The following NTM variants were observed in gnomAD, a reference collection of about 807,000 sequenced individuals.
NTM encodes IgLON family member 2.
A neutral mutation model predicts 42.1 loss-of-function variants in NTM; 13 were observed. That is an observed-to-expected ratio of 0.31 (90% CI 0.20 to 0.49). NTM has a LOEUF of 0.49. NTM is among the 20% of genes least tolerant of loss of function. The pLI is 0.99. For synonymous variants in NTM, 187 were observed against 179.2 expected (o/e 1.04, Z -0.35); for missense variants, 373 against 452.8 (o/e 0.82, Z 1.60).
intron 2 of NTM, among the ~76,000 whole-genome samples, chr11:132,111,719 G>A (rs2063225099): frequency 6.6e-6 from 1 of 152,234 alleles, no homozygotes; most frequent in East Asian, 1.9e-4. Context: ...AAAAATAAGT[G>A]CTAGGCTTCA....
chr11:131,835,057 A>C (rs1254475766), intron 1 of NTM, among the ~76,000 whole-genome samples: 1 of 152,200 alleles, frequency 6.6e-6, no homozygotes, highest in Non-Finnish European at 1.5e-5. Context: ...AAAGAAGTTC[A>C]GCTAACATCC....
At chr11:131,911,136 T>C in intron 1 of NTM, 1 of 1,261,854 alleles carries the variant, frequency 7.9e-7, no homozygotes, top group Middle Eastern at 3.3e-4. Flanking sequence ...GTGTCTGAAC[T>C]GCCGCTGGGA....
At chr11:131,424,364 C>T (rs1019419926) in intron 1 of NTM, among the ~76,000 whole-genome samples, 4 of 152,026 alleles carry the variant, frequency 2.6e-5, no homozygotes, top group South Asian at 4.2e-4. Context: ...TTCCTTGCCT[C>T]TTCTGTACTG....
chr11:131,518,300 A>G (rs902541282), intron 1 of NTM, among the ~76,000 whole-genome samples: 1 of 152,144 alleles, frequency 6.6e-6, no homozygotes, highest in Non-Finnish European at 1.5e-5. Flanking sequence ...TGGAACCTGG[A>G]TCTTCAGATG....
At position 131,652,926 on chromosome 11, in the gene NTM, C is replaced by T. The variant is rs566559740; in HGVS notation, c.83-258638C>T. Among the ~76,000 whole-genome samples, 33 of 152,326 alleles carry T rather than the reference C, an allele frequency of 2.2e-4. No individual in the cohort carries two copies. The South Asian group carries it at 5.4e-3, about 25-fold the overall frequency. On this transcript the variant is annotated intron_variant, in intron 1 of 8. Transcript: ENST00000683400. ...CTTGGAATGCAACCTGCACAATTGC[C>T]TTCATCCTTTACCGCCCTGCCAGAT...
In NTM at chr11:131,953,991, A is replaced by C. The variant is rs867277690; in HGVS notation, c.167+42343A>C. On this transcript the variant is annotated intron_variant, in intron 2 of 8. Coordinates refer to ENST00000683400, the MANE Select transcript of NTM (RefSeq NM_001352005.2). ...TTCTGGTAATATCAAGTCCATCTGTAAGGCAGGCAAGGTGAATTTATTGTA... is the reference window on the plus strand; with the variant it reads ...TTCTGGTAATATCAAGTCCATCTGTCAGGCAGGCAAGGTGAATTTATTGTA... 3.5e-4 allele frequency among the ~76,000 whole-genome samples: 53 copies of C among 152,208 alleles called. 1 individual carries two copies. The highest frequency in any genetic ancestry group is 1.0e-3 in the African/African-American group (42 of 41,452).
intron 2 of NTM, among the ~76,000 whole-genome samples, chr11:132,101,589 T>TGTGTGTG (rs1167379257): frequency 6.6e-6 from 1 of 150,700 alleles, no homozygotes; most frequent in Non-Finnish European, 1.5e-5. Flanking sequence ...TGTGTGTATG[T>TGTGTGTG]TTGAATGTAT....
At chr11:131,547,860 T>C (rs949205011) in intron 1 of NTM, among the ~76,000 whole-genome samples, 2 of 152,164 alleles carry the variant, frequency 1.3e-5, no homozygotes, top group Admixed American at 6.5e-5. Flanking sequence ...GGAGCCAGGA[T>C]TGATAAATCT....
chr11:132,274,661 T>G (rs765373817), intron 4 of NTM, among the ~76,000 whole-genome samples: 1 of 152,160 alleles, frequency 6.6e-6, no homozygotes, highest in Non-Finnish European at 1.5e-5. Flanking sequence ...CTTTCAAAAT[T>G]TATTGGAACT....
chr11:132,217,356 TTC>T (rs1555319444), intron 4 of NTM, among the ~76,000 whole-genome samples: 1 of 135,238 alleles, frequency 7.4e-6, no homozygotes, highest in African/African-American at 2.8e-5. Context: ...CTCTCTCTCT[TTC>T]TGTGTGTGTG....
intron 2 of NTM, among the ~76,000 whole-genome samples, chr11:132,050,115 C>T (rs1378756288): frequency 6.6e-6 from 1 of 152,094 alleles, no homozygotes; most frequent in Non-Finnish European, 1.5e-5. Flanking sequence ...AGTTGGGTGA[C>T]TTTAGGGTTT....
At chr11:132,152,434 C>A (rs1377687222) in intron 3 of NTM, among the ~76,000 whole-genome samples, 1 of 152,220 alleles carries the variant, frequency 6.6e-6, no homozygotes, top group Non-Finnish European at 1.5e-5. Flanking sequence ...AACTGCTTTC[C>A]AATGACCTCT....
At chr11:131,889,346 G>T (rs2050886501) in intron 1 of NTM, among the ~76,000 whole-genome samples, 2 of 152,120 alleles carry the variant, frequency 1.3e-5, no homozygotes, top group South Asian at 4.1e-4. Context: ...GGACCAGAGG[G>T]CCAGCCTGGG....
At chr11:131,474,659 C>T (rs1304626590) in intron 1 of NTM, among the ~76,000 whole-genome samples, 2 of 152,266 alleles carry the variant, frequency 1.3e-5, no homozygotes, top group East Asian at 3.9e-4. Context: ...GACTTTTCAA[C>T]ATTCATCTCT....
At chr11:132,156,212 C>T (rs1391608363) in intron 3 of NTM, among the ~76,000 whole-genome samples, 1 of 152,122 alleles carries the variant, frequency 6.6e-6, no homozygotes, top group East Asian at 1.9e-4. Context: ...GTTGATAGTC[C>T]TGGAGGCCAG....
chr11:131,773,958 A>G (rs1506668), intron 1 of NTM: 489,241 of 963,610 alleles, frequency 0.51, 125,042 homozygotes, highest in East Asian at 0.63. Flanking sequence ...GTTAAAGCCC[A>G]AATCCAATAG....
chr11:131,964,959 C>T (rs933982546), intron 2 of NTM, among the ~76,000 whole-genome samples: 7 of 152,050 alleles, frequency 4.6e-5, no homozygotes, highest in Admixed American at 2.0e-4. Context: ...ATAAAACTTA[C>T]CCTGGCTGGT....
At chr11:131,670,212 T>A (rs765893835) in intron 1 of NTM, among the ~76,000 whole-genome samples, 26 of 152,136 alleles carry the variant, frequency 1.7e-4, no homozygotes, top group Non-Finnish European at 3.2e-4. Context: ...TCCTGCCACG[T>A]CCAGTACCCA....
chr11:131,406,127 G>A (rs978793630), intron 1 of NTM, among the ~76,000 whole-genome samples: 3 of 152,262 alleles, frequency 2.0e-5, no homozygotes, highest in Non-Finnish European at 2.9e-5. Flanking sequence ...AAATGACAGG[G>A]TATTGTCTTG....
Sources: allele counts gnomAD v4.1 joint callset (sites outside exome capture counted in the v4.1 genomes callset), GRCh38; gene constraint gnomAD v4.1.1; transcripts MANE v1.5; gene names NCBI Gene and HGNC (gene_info 2026-07-23, HGNC 2026-07-21).